RBPMS: variants seen among roughly 807,000 people sequenced by gnomAD.
The protein encoded by RBPMS is RNA-binding protein with multiple splicing.
RBPMS carries 7 observed loss-of-function variants against 26.8 expected under a neutral mutation model. The ratio of observed to expected loss-of-function variants is 0.26; its 90% confidence interval spans 0.15 to 0.49. RBPMS has a LOEUF of 0.49. RBPMS is among the 20% of genes least tolerant of loss of function. The pLI is 0.98. For synonymous variants in RBPMS, 96 were observed against 93.3 expected (o/e 1.03, Z -0.17); for missense variants, 186 against 250.0 (o/e 0.74, Z 1.73).
intron 4 of RBPMS, among the ~76,000 whole-genome samples, chr8:30,502,130 A>C (rs1452926650): frequency 3.9e-5 from 5 of 128,928 alleles, no homozygotes; most frequent in African/African-American, 1.2e-4. Flanking sequence ...GGTCATTTTA[A>C]CTTCTGAGCT....
At chr8:30,564,119 T>G (rs1394352415) in intron 7 of RBPMS, 1 of 152,180 alleles carries the variant, frequency 6.6e-6, no homozygotes, top group Non-Finnish European at 1.5e-5. Flanking sequence ...TTCTGGTGCC[T>G]TCTGCTTCAA....
chr8:30,475,745 G>A (rs181359652), intron 2 of RBPMS, among the ~76,000 whole-genome samples: 22 of 152,332 alleles, frequency 1.4e-4, no homozygotes, highest in Admixed American at 7.8e-4. Flanking sequence ...GGAGGAAGGA[G>A]GGATGCAGGG....
rs142058573 is a variant in RBPMS, at chr8:30,473,402, C to T, written c.67-1377C>T. ...AGACACTAAGCACATAGTGTGTACC[C>T]TACACTTTGCACTATATGTATTTAC... On this transcript the variant is annotated intron_variant, in intron 1 of 8. Transcript: ENST00000397323. Among the ~76,000 whole-genome samples, 428 of 152,286 alleles carry T rather than the reference C, an allele frequency of 2.8e-3. 3 individuals carry two copies. In the Middle Eastern group the frequency reaches 0.031, roughly 11 times the overall value.
At chr8:30,479,453 A>T (rs1818046106) in intron 4 of RBPMS, 76 bp downstream of exon 4, 4 of 1,051,358 alleles carry the variant, frequency 3.8e-6, no homozygotes, top group Non-Finnish European at 5.9e-6. Flanking sequence ...TTGGACGGGA[A>T]ATCAAGTGGA....
At chr8:30,387,931 G>A (rs1807302955) in intron 1 of RBPMS, among the ~76,000 whole-genome samples, 1 of 152,064 alleles carries the variant, frequency 6.6e-6, no homozygotes, top group Admixed American at 6.5e-5. Context: ...CAGCTTTTTA[G>A]GGTTGGAAGT....
chr8:30,466,847 G>T (rs904086167), intron 1 of RBPMS, among the ~76,000 whole-genome samples: 1 of 151,954 alleles, frequency 6.6e-6, no homozygotes, highest in African/African-American at 2.4e-5. Flanking sequence ...CACCTGCCTC[G>T]GCCTCCCAAA....
intron 1 of RBPMS, among the ~76,000 whole-genome samples, chr8:30,474,335 A>T (rs1460590616): frequency 6.6e-6 from 1 of 152,180 alleles, no homozygotes; most frequent in Admixed American, 6.5e-5. Flanking sequence ...TATATAGGCG[A>T]TATATTTAGG....
intron 4 of RBPMS, among the ~76,000 whole-genome samples, chr8:30,484,763 A>G (rs1423968220): frequency 2.0e-5 from 3 of 152,238 alleles, no homozygotes; most frequent in African/African-American, 4.8e-5. Flanking sequence ...AACAGCTGAT[A>G]TGATCAGGAA....
chr8:30,428,728 C>T (rs1811625599), intron 1 of RBPMS, among the ~76,000 whole-genome samples: 1 of 151,710 alleles, frequency 6.6e-6, no homozygotes, highest in Non-Finnish European at 1.5e-5. Context: ...TAACTGGCAT[C>T]TGTGTGAGGA....
intron 4 of RBPMS, among the ~76,000 whole-genome samples, chr8:30,488,904 A>G (rs1351436181): frequency 2.6e-5 from 4 of 152,068 alleles, no homozygotes; most frequent in Non-Finnish European, 4.4e-5. Context: ...AATCCAGCGG[A>G]CCTGATTATA....
At chr8:30,472,752 T>C (rs894742550) in intron 1 of RBPMS, among the ~76,000 whole-genome samples, 3 of 152,238 alleles carry the variant, frequency 2.0e-5, no homozygotes, top group Admixed American at 2.0e-4. Flanking sequence ...TTCGCACTTC[T>C]GTGTAACAGG....
rs994298836 is a variant in RBPMS, at chr8:30,528,451, G to T, written c.398-16043G>T. Among the ~76,000 whole-genome samples, 3 of 152,118 alleles carry T rather than the reference G, an allele frequency of 2.0e-5. No individual in the cohort carries two copies. In the South Asian group the frequency reaches 6.2e-4, roughly 32 times the overall value. On this transcript the variant is annotated intron_variant, in intron 5 of 8. Coordinates refer to ENST00000397323, the MANE Select transcript of RBPMS (RefSeq NM_001008710.3). ...CCTTATGGGCTCCAGATGGGGAGCCGGGACATACCTGTGACCATGGTGGGT... is the reference window on the plus strand; with the variant it reads ...CCTTATGGGCTCCAGATGGGGAGCCTGGACATACCTGTGACCATGGTGGGT...
chr8:30,471,288 T>C (rs1319200642), intron 1 of RBPMS, among the ~76,000 whole-genome samples: 2 of 152,220 alleles, frequency 1.3e-5, no homozygotes, highest in East Asian at 1.9e-4. Context: ...TAATATTTCA[T>C]TGTATGATAC....
rs114184801 is a variant in RBPMS, at chr8:30,543,540, C to T, written c.398-954C>T. ...TTAGTCCTGGATAGCGTCCTTGGCA[C>T]ACTTGATTTCAGATTTTGACAGGTG... is the stretch of plus-strand genomic sequence containing the variant. On this transcript the variant is annotated intron_variant, in intron 5 of 8. Coordinates refer to ENST00000397323, the MANE Select transcript of RBPMS (RefSeq NM_001008710.3). Among the ~76,000 whole-genome samples the T allele has an allele frequency of 6.0e-3, 910 of 152,294 alleles. 7 individuals carry two copies. Among genetic ancestry groups the T allele is most frequent in the African/African-American group, 0.02 (839 of 41,544 alleles).
chr8:30,564,826 C>CG (rs903572877), intron 7 of RBPMS: 1 of 152,772 alleles, frequency 6.5e-6, no homozygotes, highest in African/African-American at 2.4e-5. Flanking sequence ...CCCCCACCTC[C>CG]CCCCGCCCAG....
chr8:30,537,408 G>T (rs1260599396), intron 5 of RBPMS, among the ~76,000 whole-genome samples: 1 of 152,168 alleles, frequency 6.6e-6, no homozygotes, highest in East Asian at 1.9e-4. Context: ...CTTTTTTGCA[G>T]AAAACTTGTT....
Position 30,544,582 on chromosome 8 carries a change from A to C in RBPMS, c.486A>C (p.Leu162=). Residue 162 remains leucine (L), a synonymous_variant, in exon 6 of 9, where the codon CTA becomes CTC. Transcript: ENST00000397323. ...ACCCAGCGGAGTTAGCGCCTGCTCT[A>C]CCTCCTCCTGCTTTCACCTATCCCG... ...PLYPAELAPA[L]PPPAFTYPAS... 6.2e-7 allele frequency: 1 copy of C among 1,613,982 alleles called. No individual in the cohort carries two copies. Among genetic ancestry groups the C allele is most frequent in the Non-Finnish European group, 8.5e-7 (1 of 1,179,982 alleles).
chr8:30,549,670 C>A, intron 6 of RBPMS: 1 of 1,014,510 alleles, frequency 9.9e-7, no homozygotes, highest in Non-Finnish European at 1.6e-6. Context: ...ACAGCGCCAG[C>A]CTCCTGTGAG....
rs967324825 is a variant in RBPMS, at chr8:30,477,941, T to C, written c.183+104T>C. 4 of 782,366 alleles carry C rather than the reference T, an allele frequency of 5.1e-6. No homozygotes were observed. The African/African-American group carries it at 7.0e-5, about 14-fold the overall frequency. 48.5% of individuals were successfully genotyped at this position (782,366 alleles called of 1,614,324 possible). ...TTATTCCCATTAGAATTTGAGGGGTTTTTTGTCTTTAAAATTAAAAGTGAG... is the reference window on the plus strand; with the variant it reads ...TTATTCCCATTAGAATTTGAGGGGTCTTTTGTCTTTAAAATTAAAAGTGAG... On this transcript the variant is annotated intron_variant, in intron 3 of 8. Coordinates refer to ENST00000397323, the MANE Select transcript of RBPMS (RefSeq NM_001008710.3).
Sources: allele counts gnomAD v4.1 joint callset (sites outside exome capture counted in the v4.1 genomes callset), GRCh38; gene constraint gnomAD v4.1.1; transcripts MANE v1.5; gene names NCBI Gene and HGNC (gene_info 2026-07-23, HGNC 2026-07-21).